CTNNB1: variants seen among roughly 807,000 people sequenced by gnomAD.
CTNNB1 encodes catenin beta 1, also known as catenin beta-1.
A neutral mutation model predicts 82.5 loss-of-function variants in CTNNB1; 6 were observed. The observed-to-expected ratio is 0.07, with a 90% CI of 0.04 to 0.14. CTNNB1 has a LOEUF of 0.14. CTNNB1 is among the 10% of genes least tolerant of loss of function. The probability of loss-of-function intolerance (pLI) is 1.00; values close to 1 mark genes in which losing one functional copy is unlikely to be tolerated. For synonymous variants in CTNNB1, 312 were observed against 329.7 expected (o/e 0.95, Z 0.58); for missense variants, 529 against 980.4 (o/e 0.54, Z 6.15).
rs2078534525 is a variant in CTNNB1 at position 41,239,913 on chromosome 3, CTTG to C, written c.*574_*576del. 5.8e-6 allele frequency: 1 copy of C among 171,822 alleles called. No individual in the cohort carries two copies. The highest frequency in any genetic ancestry group is 2.9e-5 in the African/African-American group (1 of 34,948). The allele number at this position is 171,822 out of a possible 1,614,324, so 10.6% of individuals were successfully genotyped here. A position where few individuals can be genotyped will look rare whatever the true frequency, so the allele number is the denominator to read the frequency against. ...TGGAATTTATCAAACCCTAGCCTTG[CTTG>C]TTAAATTTTTTTTTTTTTTTTTTTA... On this transcript the variant is annotated 3_prime_UTR_variant, in exon 15 of 15. Transcript: ENST00000349496.
chr3:41,212,005 C>G (rs1398366675), intron 1 of CTNNB1, among the ~76,000 whole-genome samples: 1 of 152,216 alleles, frequency 6.6e-6, no homozygotes, highest in East Asian at 1.9e-4. Context: ...CCTGTATAGT[C>G]AGACCATATC....
At position 41,238,067 on chromosome 3, in the gene CTNNB1, C is replaced by T. The variant is rs748653573; in HGVS notation, c.2128C>T (p.Arg710Cys). Residue 710 changes from arginine (R) to cysteine (C), a missense_variant, in exon 14 of 15, where the codon CGC becomes TGC. By Grantham distance (180) the Arg-to-Cys change is radical. This residue lies in a region of CTNNB1 where 102 missense variants were observed against 130.8 expected (regional missense o/e 0.78). Coordinates refer to ENST00000349496, the MANE Select transcript of CTNNB1 (RefSeq NM_001904.4). ...IGAQGEPLGY[R>C]QDDPSYRSFH... ...TGCCCAGGGAGAACCCCTTGGATAT[C>T]GCCAGGATGGTATGTGTCTCATATT... 1.7e-5 allele frequency: 28 copies of T among 1,613,306 alleles called. No individual in the cohort carries two copies. Among genetic ancestry groups the T allele is most frequent in the Non-Finnish European group, 2.0e-5 (23 of 1,179,384 alleles).
intron 1 of CTNNB1, chr3:41,200,021 G>C (rs1375162573): frequency 6.7e-6 from 1 of 149,090 alleles, no homozygotes; most frequent in Non-Finnish European, 1.5e-5. Flanking sequence ...GCCGAGTTTG[G>C]GGGAGGGACC....
chr3:41,203,536 T>A (rs1015509967), intron 1 of CTNNB1, among the ~76,000 whole-genome samples: 4 of 152,078 alleles, frequency 2.6e-5, no homozygotes, highest in African/African-American at 4.8e-5. Context: ...CAGAAAAAAA[T>A]TAATGAAAAT....
At position 41,239,174 on chromosome 3, in the gene CTNNB1, G is replaced by A. The variant is rs1292497946; in HGVS notation, c.2178G>A (p.Gln726=). ...CTTTTCACTCTGGTGGATATGGCCA[G>A]GATGCCTTGGGTATGGACCCCATGA... ...YRSFHSGGYG[Q]DALGMDPMME... is the part of the protein sequence containing the mutation. The change falls in exon 15 of 15, where the codon CAG becomes CAA. Residue 726 remains glutamine, a synonymous_variant. Coordinates refer to ENST00000349496, the MANE Select transcript of CTNNB1 (RefSeq NM_001904.4). 1.2e-6 allele frequency: 2 copies of A among 1,614,084 alleles called. No individual in the cohort carries two copies. Among genetic ancestry groups the A allele is most frequent in the African/African-American group, 2.7e-5 (2 of 74,942 alleles).
chr3:41,236,287 T>TG (rs1331423777), intron 11 of CTNNB1, 62 bp from the exon 12 acceptor site: 4 of 1,597,268 alleles, frequency 2.5e-6, no homozygotes, highest in Admixed American at 3.3e-5. Flanking sequence ...TGCACCACAG[T>TG]GGGGGGCTTG....
In CTNNB1 at chr3:41,224,007, T is replaced by C; in HGVS notation, c.-48-14T>C. On this transcript the variant is annotated splice_polypyrimidine_tract_variant and intron_variant, in intron 1 of 14. Coordinates refer to ENST00000349496, the MANE Select transcript of CTNNB1 (RefSeq NM_001904.4). ...AAATTTAAATCCTAATGACTTTTGA[T>C]TAACTTTTTTTAGGGTATTTGAAGT... 2.5e-6 allele frequency: 4 copies of C among 1,568,780 alleles called. No individual in the cohort carries two copies. Among genetic ancestry groups the C allele is most frequent in the Non-Finnish European group, 3.5e-6 (4 of 1,138,874 alleles).
rs2077473204 is a variant in CTNNB1, at chr3:41,199,542, C to G, written c.-177C>G. ...CTGTGGCAGCAGCGTTGGCCCGGCC[C>G]CGGGAGCGGAGAGCGAGGGGAGGCG... On this transcript the variant is annotated 5_prime_UTR_variant, in exon 1 of 15. Coordinates refer to ENST00000349496, the MANE Select transcript of CTNNB1 (RefSeq NM_001904.4). 6.5e-6 allele frequency: 1 copy of G among 153,380 alleles called. No homozygotes were observed. Among genetic ancestry groups the G allele is most frequent in the South Asian group, 2.1e-4 (1 of 4,856 alleles). The allele number at this position is 153,380 out of a possible 1,614,324, so 9.5% of individuals were successfully genotyped here.
At chr3:41,236,313 AGAT>A in intron 11 of CTNNB1, 33 bp from the exon 12 acceptor site, 1 of 1,613,788 alleles carries the variant, frequency 6.2e-7, no homozygotes, top group Non-Finnish European at 8.5e-7. Context: ...TTTTAGCTTT[AGAT>A]TTAATTAGGT....
chr3:41,217,890 T>C (rs1030805768), intron 1 of CTNNB1, among the ~76,000 whole-genome samples: 1 of 152,210 alleles, frequency 6.6e-6, no homozygotes, highest in African/African-American at 2.4e-5. Context: ...ACTATGGATA[T>C]TAGCCTTTAA....
rs1030460472 is a variant in CTNNB1, at chr3:41,207,606, A to G, written c.-49+7936A>G. ...TCCTGAGGCATGCCTTTTCAAGGAC[A>G]TTGTTACTTTAGTTACACTGGCTCT... On this transcript the variant is annotated intron_variant, in intron 1 of 14. Coordinates refer to ENST00000349496, the MANE Select transcript of CTNNB1 (RefSeq NM_001904.4). Among the ~76,000 whole-genome samples the G allele has an allele frequency of 7.2e-5, 11 of 152,316 alleles. No homozygotes were observed. The East Asian group carries it at 1.5e-3, about 21-fold the overall frequency.
rs1018019498 is a variant in CTNNB1 at position 41,200,879 on chromosome 3, C to T, written c.-49+1209C>T. On this transcript the variant is annotated intron_variant, in intron 1 of 14. Transcript: ENST00000349496. ...GTATCTTCCAGACATCTGTGGTCTT[C>T]CCCCCACCCCTCGAGTTTGTGAGTG... 5.9e-5 allele frequency among the ~76,000 whole-genome samples: 9 copies of T among 152,168 alleles called. No individual in the cohort carries two copies. The South Asian group carries it at 1.2e-3, about 21-fold the overall frequency.
At position 41,238,059 on chromosome 3, in the gene CTNNB1, T is replaced by C. The variant is rs2078482129; in HGVS notation, c.2120T>C (p.Leu707Pro). The change falls in exon 14 of 15, where the codon CTT becomes CCT. Residue 707 changes from leucine (L) to proline (P), a missense_variant. Leu to Pro is a moderately conservative substitution (Grantham distance 98). Coordinates refer to ENST00000349496, the MANE Select transcript of CTNNB1 (RefSeq NM_001904.4). The stretch of plus-strand genomic sequence containing the variant: ...GATATTGGTGCCCAGGGAGAACCCC[T>C]TGGATATCGCCAGGATGGTATGTGT... ...GLDIGAQGEPLGYRQDDPSYR... is the reference protein window; with the variant it reads ...GLDIGAQGEPPGYRQDDPSYR... The C allele has an allele frequency of 6.2e-7, 1 of 1,613,724 alleles. No individual in the cohort carries two copies. Among genetic ancestry groups the C allele is most frequent in the Admixed American group, 1.7e-5 (1 of 60,008 alleles).
intron 1 of CTNNB1, among the ~76,000 whole-genome samples, chr3:41,206,703 G>C (rs2077656109): frequency 6.6e-6 from 1 of 151,766 alleles, no homozygotes; most frequent in South Asian, 2.1e-4. Context: ...TGTCTTTGAA[G>C]TTTTGCATAT....
intron 1 of CTNNB1, among the ~76,000 whole-genome samples, chr3:41,219,926 G>A (rs2078003074): frequency 6.6e-6 from 1 of 152,072 alleles, no homozygotes; most frequent in African/African-American, 2.4e-5. Context: ...ATAGACATAC[G>A]ATACAATCCA....
In CTNNB1 at chr3:41,225,842, A is replaced by T. The variant is rs2078162003; in HGVS notation, c.917A>T (p.Tyr306Phe). Residue 306 changes from tyrosine to phenylalanine, a missense_variant, in exon 6 of 15, where the codon TAT becomes TTT. By Grantham distance (22) the Tyr-to-Phe change is conservative. This residue lies in a region of CTNNB1 where 411 missense variants were observed against 776.4 expected (regional missense o/e 0.53). Transcript: ENST00000349496. This position sits in a 1 kb window ranked among gnomAD's most constrained non-coding sequence, Gnocchi z 5.3. ...ITTDCLQILA[Y>F]GNQESKLIIL... ...ACAGACTGCCTTCAAATTTTAGCTT[A>T]TGGCAACCAAGAAAGCAAGGTAAGA... 1 of 1,613,670 alleles carries T rather than the reference A, an allele frequency of 6.2e-7. No individual in the cohort carries two copies. Among genetic ancestry groups the T allele is most frequent in the Non-Finnish European group, 8.5e-7 (1 of 1,179,842 alleles).
At chr3:41,209,417 A>G (rs1033713414) in intron 1 of CTNNB1, among the ~76,000 whole-genome samples, 1 of 152,156 alleles carries the variant, frequency 6.6e-6, no homozygotes, top group East Asian at 1.9e-4. Flanking sequence ...CCGAAATGCA[A>G]TTCTGTCTTT....
At chr3:41,232,233 T>C (rs2078325976) in intron 7 of CTNNB1, among the ~76,000 whole-genome samples, 1 of 152,104 alleles carries the variant, frequency 6.6e-6, no homozygotes, top group African/African-American at 2.4e-5. Context: ...ATCCATTCTC[T>C]TAGAGTTAAT....
Position 41,233,695 on chromosome 3 carries a change from T to C in CTNNB1, c.1352T>C (p.Val451Ala), listed in dbSNP as rs2125639733. The C allele has an allele frequency of 6.2e-7, 1 of 1,614,118 alleles. No homozygotes were observed. Among genetic ancestry groups the C allele is most frequent in the African/African-American group, 1.3e-5 (1 of 75,020 alleles). Residue 451 changes from valine (V) to alanine (A), a missense_variant, in exon 9 of 15, where the codon GTC becomes GCC. By Grantham distance (64) the Val-to-Ala change is moderately conservative. This residue lies in a region of CTNNB1 where 411 missense variants were observed against 776.4 expected (regional missense o/e 0.53). Transcript: ENST00000349496. ...VGGIEALVRTVLRAGDREDIT... is the reference protein window; with the variant it reads ...VGGIEALVRTALRAGDREDIT... ...GGTATAGAGGCTCTTGTGCGTACTG[T>C]CCTTCGGGCTGGTGACAGGGAAGAC...
Sources: gnomAD v4.1 joint callset for allele counts (sites outside exome capture counted in the v4.1 genomes callset) on GRCh38, gnomAD v4.1.1 for gene constraint, gnomAD v4.1.1 regional missense constraint, Gnocchi (gnomAD v3.1) non-coding constraint, MANE v1.5 for transcripts, NCBI Gene and HGNC (gene_info 2026-07-23, HGNC 2026-07-21) for gene names.